SLC22A23: variants seen among roughly 807,000 people sequenced by gnomAD.
SLC22A23 encodes solute carrier family 22 member 23.
A neutral mutation model predicts 61.0 loss-of-function variants in SLC22A23; 26 were observed. That is an observed-to-expected ratio of 0.43 (90% CI 0.31 to 0.59). The LOEUF (loss-of-function observed/expected upper bound fraction) is 0.59. Among genes scored for constraint, SLC22A23 ranks in the 20% least tolerant of loss-of-function variants. The probability of loss-of-function intolerance (pLI) is 0.11; values close to 1 mark genes in which losing one functional copy is unlikely to be tolerated. For synonymous variants in SLC22A23, 430 were observed against 413.9 expected, an observed-to-expected ratio of 1.04 and a Z score of -0.47; for missense variants, 796 against 934.7, an observed-to-expected ratio of 0.85 and a Z score of 1.94.
At chr6:3,316,869 C>T (rs1411552700) in intron 4 of SLC22A23, among the ~76,000 whole-genome samples, 2 of 152,166 alleles carry the variant, frequency 1.3e-5, no homozygotes, top group Non-Finnish European at 1.5e-5. Flanking sequence ...AACTGCTGTG[C>T]TCACGTGATC....
intron 4 of SLC22A23, among the ~76,000 whole-genome samples, chr6:3,323,099 G>A (rs1219886148): frequency 6.6e-6 from 1 of 152,146 alleles, no homozygotes; most frequent in African/African-American, 2.4e-5. Flanking sequence ...CCCTTTACCA[G>A]TGTGTTTAGT....
At chr6:3,424,629 T>C (rs2127533389) in intron 1 of SLC22A23, among the ~76,000 whole-genome samples, 1 of 152,308 alleles carries the variant, frequency 6.6e-6, no homozygotes. Context: ...TTACAATATA[T>C]CATAATTGCC....
chr6:3,355,095 A>G (rs758826424), intron 3 of SLC22A23, among the ~76,000 whole-genome samples: 10 of 151,856 alleles, frequency 6.6e-5, no homozygotes, highest in Non-Finnish European at 1.3e-4. Flanking sequence ...GCCTCTCCAC[A>G]TGGCAGTATT....
At chr6:3,366,648 C>T (rs186657510) in intron 3 of SLC22A23, among the ~76,000 whole-genome samples, 56 of 152,262 alleles carry the variant, frequency 3.7e-4, no homozygotes, top group Non-Finnish European at 5.7e-4. Context: ...TACTTCTATG[C>T]GATCTATGTA....
At chr6:3,440,454 T>C (rs1771516746) in intron 1 of SLC22A23, among the ~76,000 whole-genome samples, 1 of 151,964 alleles carries the variant, frequency 6.6e-6, no homozygotes, top group Non-Finnish European at 1.5e-5. Context: ...ATGCCTGTAA[T>C]CCCAGCACTT....
At chr6:3,402,460 TAA>T (rs879592722) in intron 3 of SLC22A23, among the ~76,000 whole-genome samples, 1,496 of 29,268 alleles carry the variant, frequency 0.051, 3 homozygotes, top group African/African-American at 0.085. Context: ...AGGCTCTAGC[TAA>T]GCCCTAATCA....
At chr6:3,453,456 A>C (rs1772247380) in intron 1 of SLC22A23, among the ~76,000 whole-genome samples, 1 of 152,184 alleles carries the variant, frequency 6.6e-6, no homozygotes, top group Non-Finnish European at 1.5e-5. Context: ...AAGGCGAGAG[A>C]GGCTGGTCAG....
intron 1 of SLC22A23, among the ~76,000 whole-genome samples, chr6:3,425,140 T>C (rs1017732543): frequency 2.0e-5 from 3 of 152,110 alleles, no homozygotes; most frequent in Admixed American, 6.5e-5. Flanking sequence ...ATACCAAATT[T>C]ATATAGGCAA....
At chr6:3,343,494 C>T (rs1019218705) in intron 3 of SLC22A23, among the ~76,000 whole-genome samples, 1 of 151,180 alleles carries the variant, frequency 6.6e-6, no homozygotes, top group African/African-American at 2.5e-5. Context: ...CACACATCCT[C>T]ATCATTTAGA....
intron 3 of SLC22A23, among the ~76,000 whole-genome samples, chr6:3,334,079 AAAAAT>A (rs1298320834): frequency 2.0e-5 from 3 of 152,254 alleles, no homozygotes; most frequent in Non-Finnish European, 4.4e-5. Context: ...TTAGCATATT[AAAAAT>A]AAAACAAAGC....
intron 3 of SLC22A23, among the ~76,000 whole-genome samples, chr6:3,346,077 C>T (rs1337997573): frequency 6.6e-6 from 1 of 152,176 alleles, no homozygotes; most frequent in Non-Finnish European, 1.5e-5. Flanking sequence ...CCACTTACAG[C>T]CTATGAGTGA....
Position 3,283,963 on chromosome 6 carries a change from C to G in SLC22A23, c.1592G>C (p.Ser531Thr), listed in dbSNP as rs1000058134. ...SQHPDSGMSD[S>T]VKDKFSIAFS... ...CGCGATGGAAAATTTGTCCTTGACG[C>G]TGTCACTCATCCCTGGGGGAAGGTC... The change falls in exon 9 of 10, where the codon AGC becomes ACC. Residue 531 changes from serine to threonine, a missense_variant. Physicochemically the swap from Ser to Thr is moderately conservative, Grantham distance 58 (BLOSUM62 1). Coordinates refer to ENST00000406686, the MANE Select transcript of SLC22A23 (RefSeq NM_015482.2). The G allele has an allele frequency of 2.5e-6, 4 of 1,605,760 alleles. No individual in the cohort carries two copies. The highest frequency in any genetic ancestry group is 3.4e-6 in the Non-Finnish European group (4 of 1,173,454).
intron 3 of SLC22A23, among the ~76,000 whole-genome samples, chr6:3,408,718 G>T (rs1236201573): frequency 6.6e-6 from 1 of 152,226 alleles, no homozygotes; most frequent in Non-Finnish European, 1.5e-5. Flanking sequence ...CTTGCCTGGG[G>T]GTGGTGAGGC....
At position 3,456,758 on chromosome 6, in the gene SLC22A23, G is replaced by A; in HGVS notation, c.-199C>T. 1 of 192,084 alleles carries A rather than the reference G, an allele frequency of 5.2e-6. No individual in the cohort carries two copies. Among genetic ancestry groups the A allele is most frequent in the Non-Finnish European group, 9.3e-6 (1 of 107,648 alleles). The allele number at this position is 192,084 out of a possible 1,614,324, so 11.9% of individuals were successfully genotyped here. A position where few individuals can be genotyped will look rare whatever the true frequency, so the allele number is the denominator to read the frequency against. ...CGCCGGACCCCGCGCCCCGGGCGCT[G>A]CGGCCCCGCTCGGGCGCCGGGCAGA... On this transcript the variant is annotated 5_prime_UTR_variant, in exon 1 of 10. Transcript: ENST00000406686. This position sits in a 1 kb window ranked among gnomAD's most constrained non-coding sequence, Gnocchi z 7.1.
intron 3 of SLC22A23, among the ~76,000 whole-genome samples, chr6:3,394,038 T>C (rs888884557): frequency 6.6e-6 from 1 of 152,154 alleles, no homozygotes; most frequent in Non-Finnish European, 1.5e-5. Context: ...AGAAGAGCAA[T>C]GACCCCCTGC....
chr6:3,451,142 G>C (rs1772138209), intron 1 of SLC22A23, among the ~76,000 whole-genome samples: 1 of 152,220 alleles, frequency 6.6e-6, no homozygotes, highest in Non-Finnish European at 1.5e-5. Context: ...ACTCAAGAAA[G>C]TGCTGAGTAT....
intron 8 of SLC22A23, 182 bp from the exon 9 acceptor site, chr6:3,284,157 TG>T: frequency 1.9e-6 from 1 of 532,006 alleles, no homozygotes; most frequent in South Asian, 2.4e-5. Context: ...GCCCCTGCAG[TG>T]GGTTTTGTGG....
At chr6:3,337,443 T>TC (rs1041763238) in intron 3 of SLC22A23, among the ~76,000 whole-genome samples, 2 of 145,896 alleles carry the variant, frequency 1.4e-5, no homozygotes, top group African/African-American at 5.5e-5. Flanking sequence ...GTGTTACAAT[T>TC]CCCTTTTTTT....
chr6:3,429,392 C>T (rs1292672244), intron 1 of SLC22A23, among the ~76,000 whole-genome samples: 2 of 152,214 alleles, frequency 1.3e-5, no homozygotes, highest in African/African-American at 4.8e-5. Context: ...AAGAAGCAGT[C>T]AACTGTGTAA....
Sources: allele counts gnomAD v4.1 joint callset (sites outside exome capture counted in the v4.1 genomes callset), GRCh38; gene constraint gnomAD v4.1.1; non-coding constraint Gnocchi (gnomAD v3.1); transcripts MANE v1.5; gene names NCBI Gene and HGNC (gene_info 2026-07-23, HGNC 2026-07-21).